The following DAB1 variants were observed in gnomAD, a reference collection of about 807,000 sequenced individuals.
The protein encoded by DAB1 is disabled homolog 1.
In DAB1, 15 loss-of-function variants were observed where a neutral mutation model predicts 64.6. The ratio of observed to expected loss-of-function variants is 0.23; its 90% CI spans 0.16 to 0.36. DAB1 has a LOEUF of 0.36. Ranked by LOEUF, DAB1 falls within the 10% of genes least tolerant of loss-of-function variation. The probability of loss-of-function intolerance (pLI) is 1.00; values close to 1 mark genes in which losing one functional copy is unlikely to be tolerated. For missense variants in DAB1, 596 were observed against 706.7 expected, an observed-to-expected ratio of 0.84 and a Z score of 1.78; for synonymous variants, 235 against 251.9, an observed-to-expected ratio of 0.93 and a Z score of 0.64.
chr1:57,143,112 T>C (rs1658771556), intron 3 of DAB1, among the ~76,000 whole-genome samples: 1 of 152,110 alleles, frequency 6.6e-6, no homozygotes, highest in Non-Finnish European at 1.5e-5. Flanking sequence ...TTCTGTGCAA[T>C]TTGCCTGCTG....
intron 2 of DAB1, among the ~76,000 whole-genome samples, chr1:58,508,204 AAG>A (rs1646019995): frequency 6.6e-6 from 1 of 152,226 alleles, no homozygotes; most frequent in Non-Finnish European, 1.5e-5. Flanking sequence ...ATGTTAAGAT[AAG>A]AGTGTTGAGT....
chr1:57,673,117 A>G lies in DAB1; in HGVS notation n.552-23452T>C, dbSNP rs573078428. ...AAGTCCAAGATCAAGGTGCTGGCAAATTAGGTGTCTGGTGAGGGTCCACTT... is the reference window on the plus strand; with the variant it reads ...AAGTCCAAGATCAAGGTGCTGGCAAGTTAGGTGTCTGGTGAGGGTCCACTT... On this transcript the variant is annotated intron_variant and non_coding_transcript_variant, in intron 6 of 20. Coordinates refer to the DAB1 transcript ENST00000485760. Among the ~76,000 whole-genome samples, 48 of 152,214 alleles carry G rather than the reference A, an allele frequency of 3.2e-4. 1 individual carries two copies. Among genetic ancestry groups the G allele is most frequent in the Admixed American group, 7.2e-4 (11 of 15,270 alleles).
chr1:58,227,005 T>G (rs1279798514), intron 4 of DAB1, among the ~76,000 whole-genome samples: 1 of 152,220 alleles, frequency 6.6e-6, no homozygotes, highest in Non-Finnish European at 1.5e-5. Context: ...TCGAAAGCAC[T>G]CTGTAAGGCA....
intron 2 of DAB1, among the ~76,000 whole-genome samples, chr1:57,214,024 A>C (rs2100345647): frequency 6.6e-6 from 1 of 152,346 alleles, no homozygotes; most frequent in South Asian, 2.1e-4. Flanking sequence ...ATTAAGTATA[A>C]TGCAGTCACT....
At chr1:57,377,940 G>C (rs3909558) in intron 1 of DAB1, among the ~76,000 whole-genome samples, 81,447 of 151,838 alleles carry the variant, frequency 0.54, 22,765 homozygotes, top group African/African-American at 0.63. Flanking sequence ...GGACTGTGAC[G>C]TCTGGTGGAG....
intron 5 of DAB1, among the ~76,000 whole-genome samples, chr1:58,136,767 T>C (rs1653969784): frequency 6.6e-6 from 1 of 152,208 alleles, no homozygotes; most frequent in Admixed American, 6.5e-5. Context: ...CTTCCTGACA[T>C]AGATATTCTC....
intron 6 of DAB1, among the ~76,000 whole-genome samples, chr1:57,676,593 A>G (rs1049557837): frequency 2.6e-5 from 4 of 152,336 alleles, no homozygotes; most frequent in Admixed American, 2.6e-4. Flanking sequence ...GGGCAGCACC[A>G]GAAAACGATA....
intron 4 of DAB1, among the ~76,000 whole-genome samples, chr1:58,264,948 G>T (rs954925160): frequency 6.6e-6 from 1 of 152,160 alleles, no homozygotes; most frequent in African/African-American, 2.4e-5. Context: ...TAGAAGAAAG[G>T]TTTTAATTTA....
chr1:57,063,059 G>A (rs1435188517), intron 8 of DAB1, 116 bp from the exon 9 acceptor site: 1 of 838,134 alleles, frequency 1.2e-6, no homozygotes, highest in Non-Finnish European at 2.0e-6. Context: ...TGGCCCCAGG[G>A]ACAAGCCCAT....
At chr1:57,785,873 A>G (rs1347616025) in intron 6 of DAB1, among the ~76,000 whole-genome samples, 1 of 152,218 alleles carries the variant, frequency 6.6e-6, no homozygotes, top group East Asian at 1.9e-4. Context: ...ATTTTGAAAG[A>G]AGTTCTGCGG....
At chr1:58,488,896 T>C (rs1030497183) in intron 3 of DAB1, among the ~76,000 whole-genome samples, 2 of 152,248 alleles carry the variant, frequency 1.3e-5, no homozygotes, top group Non-Finnish European at 1.5e-5. Flanking sequence ...TATGTACAGA[T>C]ATTTTTGTCC....
chr1:58,004,259 A>T (rs1325108109), intron 5 of DAB1, among the ~76,000 whole-genome samples: 3 of 152,162 alleles, frequency 2.0e-5, no homozygotes, highest in African/African-American at 4.8e-5. Context: ...ACAAATATAT[A>T]TTTTCCATTT....
chr1:58,448,702 A>G (rs1348840652), intron 3 of DAB1, among the ~76,000 whole-genome samples: 1 of 152,218 alleles, frequency 6.6e-6, no homozygotes, highest in South Asian at 2.1e-4. Context: ...AGAGATGACT[A>G]TAACTAGGGA....
intron 2 of DAB1, among the ~76,000 whole-genome samples, chr1:57,177,270 T>A (rs960504263): frequency 6.6e-6 from 1 of 152,172 alleles, no homozygotes; most frequent in Non-Finnish European, 1.5e-5. Flanking sequence ...TAAGATGTTA[T>A]ATACATACAC....
At chr1:57,400,546 A>G (rs1259097993) in intron 1 of DAB1, among the ~76,000 whole-genome samples, 2 of 151,448 alleles carry the variant, frequency 1.3e-5, no homozygotes, top group East Asian at 1.9e-4. Flanking sequence ...ACTTGCCAGT[A>G]TCAGTCTTTT....
At chr1:57,717,694 T>C (rs1647100302) in intron 6 of DAB1, among the ~76,000 whole-genome samples, 1 of 152,058 alleles carries the variant, frequency 6.6e-6, no homozygotes, top group South Asian at 2.1e-4. Context: ...GATAAATGGA[T>C]TAAGAAAATG....
intron 1 of DAB1, chr1:57,876,867 C>T (rs1234156624): frequency 6.6e-6 from 1 of 151,978 alleles, no homozygotes; most frequent in East Asian, 1.9e-4. Flanking sequence ...GAGGAGATGC[C>T]TCTGGGCTAA....
At chr1:58,077,527 A>C (rs1649730344) in intron 5 of DAB1, among the ~76,000 whole-genome samples, 1 of 152,204 alleles carries the variant, frequency 6.6e-6, no homozygotes, top group African/African-American at 2.4e-5. Flanking sequence ...GAGGGAGAGA[A>C]ACACCAGCAG....
intron 4 of DAB1, among the ~76,000 whole-genome samples, chr1:57,111,843 TAGATAAA>T (rs1191748196): frequency 6.6e-6 from 1 of 152,212 alleles, no homozygotes; most frequent in African/African-American, 2.4e-5. Flanking sequence ...AGTTGCTGTA[TAGATAAA>T]TGACTAAATA....
Sources: gnomAD v4.1 joint callset for allele counts (sites outside exome capture counted in the v4.1 genomes callset) on GRCh38, gnomAD v4.1.1 for gene constraint, MANE v1.5 for transcripts, NCBI Gene and HGNC (gene_info 2026-07-23, HGNC 2026-07-21) for gene names.